The following DCAF8 variants were observed in gnomAD, a reference collection of about 807,000 sequenced individuals.
DCAF8 encodes the protein DDB1 and CUL4 associated factor 8.
In DCAF8, 20 loss-of-function variants were observed where a neutral mutation model predicts 68.0. The observed-to-expected ratio is 0.29, with a 90% CI of 0.21 to 0.43. The LOEUF is 0.43. DCAF8 is among the 20% of genes least tolerant of loss of function. DCAF8 has a pLI of 1.00. For missense variants in DCAF8, 460 were observed against 771.0 expected (o/e 0.60, Z 4.78); for synonymous variants, 230 against 276.9 (o/e 0.83, Z 1.68).
At chr1:160,224,600 G>C (rs555995113) in intron 9 of DCAF8, 51 bp from the exon 10 acceptor site, 30 of 1,468,394 alleles carry the variant, frequency 2.0e-5, no homozygotes, top group Non-Finnish European at 2.8e-5. Context: ...AAAAAGCAGG[G>C]ACCAGGAGGT....
At chr1:160,235,514 T>A (rs948632445) in intron 6 of DCAF8, among the ~76,000 whole-genome samples, 1 of 151,996 alleles carries the variant, frequency 6.6e-6, no homozygotes, top group African/African-American at 2.4e-5. Context: ...GGTACACCAA[T>A]GCTATGACAT....
At chr1:160,253,511 G>A (rs1436278018) in intron 2 of DCAF8, among the ~76,000 whole-genome samples, 7 of 151,720 alleles carry the variant, frequency 4.6e-5, no homozygotes, top group South Asian at 2.1e-4. Flanking sequence ...AGCCACACGC[G>A]GTGGCATACG....
Position 160,231,932 on chromosome 1 carries a change from T to G in DCAF8, c.960-525A>C, listed in dbSNP as rs561683967. Reference sequence around the variant, plus strand: ...ATGGCCAGGTATGGTGGCTCATGCCTGTAATCCCTACACTTTGGGAGACTG... The same window carrying G: ...ATGGCCAGGTATGGTGGCTCATGCCGGTAATCCCTACACTTTGGGAGACTG... On this transcript the variant is annotated intron_variant, in intron 6 of 13. Coordinates refer to ENST00000368074, the MANE Select transcript of DCAF8 (RefSeq NM_015726.4). 8.5e-5 allele frequency among the ~76,000 whole-genome samples: 13 copies of G among 152,342 alleles called. No individual in the cohort carries two copies. The South Asian group carries it at 1.4e-3, about 17-fold the overall frequency.
intron 11 of DCAF8, 120 bp downstream of exon 11, chr1:160,222,531 T>TG: frequency 7.3e-7 from 1 of 1,375,790 alleles, no homozygotes; most frequent in Admixed American, 2.1e-5. Context: ...CTTTTATGGC[T>TG]GGCTGGACCT....
At chr1:160,262,238 G>C in intron 1 of DCAF8, 1 of 398,170 alleles carries the variant, frequency 2.5e-6, no homozygotes, top group Non-Finnish European at 4.4e-6. Flanking sequence ...GCTGGGAAGC[G>C]AGGGGGGGCG....
chr1:160,256,775 C>CCCTATTGGCAACCT, intron 2 of DCAF8, among the ~76,000 whole-genome samples: 1 of 152,274 alleles, frequency 6.6e-6, no homozygotes, highest in Middle Eastern at 3.4e-3. Context: ...CTCCCCAATG[C>CCCTATTGGCAACCT]CCTATTGGCA....
chr1:160,236,279 C>T (rs1446470491), intron 6 of DCAF8, among the ~76,000 whole-genome samples: 1 of 151,362 alleles, frequency 6.6e-6, no homozygotes, highest in East Asian at 1.9e-4. Context: ...CACACACATA[C>T]ATACACGTAC....
At chr1:160,225,223 G>A in intron 8 of DCAF8, 104 bp from the exon 9 acceptor site, 1 of 1,096,866 alleles carries the variant, frequency 9.1e-7, no homozygotes, top group African/African-American at 1.6e-5. Flanking sequence ...TTCTCCCAGA[G>A]ATTTGAGAAA....
At chr1:160,245,436 A>G (rs981409992) in intron 2 of DCAF8, among the ~76,000 whole-genome samples, 5 of 152,180 alleles carry the variant, frequency 3.3e-5, no homozygotes, top group Admixed American at 2.6e-4. Flanking sequence ...ATTATTCCAG[A>G]AGCAGCCTCA....
At chr1:160,219,008 TGG>T in intron 11 of DCAF8, 40 bp from the exon 12 acceptor site, 4 of 1,611,706 alleles carry the variant, frequency 2.5e-6, no homozygotes, top group Non-Finnish European at 3.4e-6. Flanking sequence ...CAGCAGTGTG[TGG>T]GAGTAGGGTT....
chr1:160,256,743 G>A (rs61510065), intron 2 of DCAF8, among the ~76,000 whole-genome samples: 2,404 of 152,278 alleles, frequency 0.016, 59 homozygotes, highest in African/African-American at 0.048. Flanking sequence ...TTAATAAGAT[G>A]ACATCTTTGT....
In DCAF8 at chr1:160,226,639, C is replaced by T. The variant is rs74318373; in HGVS notation, c.1071-976G>A. Among the ~76,000 whole-genome samples the T allele has an allele frequency of 3.4e-3, 523 of 152,324 alleles. 3 individuals are homozygous for T. Among genetic ancestry groups the T allele is most frequent in the African/African-American group, 0.012 (500 of 41,568 alleles). On this transcript the variant is annotated intron_variant, in intron 7 of 13. Transcript: ENST00000368074. ...TTCTCAACCTCTTCCTCATCACCAG[C>T]TGGCCACTTTCTAAAAATCCTTCTG...
rs745776382 is a variant in DCAF8, at chr1:160,240,105, CTCCTCT to C, written c.309_314del (p.Glu111_Glu112del). ...GCTGCTCTTCTTCCTCCTCTTCTTCCTCCTCTTCCTCTTCCTCTGAGCGGTCATGGA... is the reference window on the plus strand; with the variant it reads ...GCTGCTCTTCTTCCTCCTCTTCTTCCTCCTCTTCCTCTGAGCGGTCATGGA... On this transcript the variant is annotated inframe_deletion, in exon 4 of 14. Transcript: ENST00000368074. 1,314 of 1,595,888 alleles carry C rather than the reference CTCCTCT, an allele frequency of 8.2e-4. 10 individuals carry two copies. Among genetic ancestry groups the C allele is most frequent in the Middle Eastern group, 2.0e-3 (12 of 6,044 alleles).
intron 6 of DCAF8, among the ~76,000 whole-genome samples, chr1:160,235,338 T>C (rs1655831469): frequency 6.6e-6 from 1 of 151,936 alleles, no homozygotes; most frequent in South Asian, 2.1e-4. Flanking sequence ...TTCACCATGT[T>C]AGCCAGGCTG....
intron 2 of DCAF8, among the ~76,000 whole-genome samples, chr1:160,244,835 G>C (rs939094902): frequency 6.6e-6 from 1 of 151,868 alleles, no homozygotes; most frequent in South Asian, 2.1e-4. Context: ...GGATGGTCTC[G>C]ATCTCCCGAG....
intron 2 of DCAF8, among the ~76,000 whole-genome samples, chr1:160,255,395 AAGTGCTGGGATTATAGGTAT>A (rs1656796592): frequency 6.6e-6 from 1 of 152,046 alleles, no homozygotes; most frequent in African/African-American, 2.4e-5. Flanking sequence ...TGGCCTCCCA[AAGTGCTGGGATTATAGGTAT>A]GTACCACCAC....
At chr1:160,249,579 G>A (rs1042605897) in intron 2 of DCAF8, among the ~76,000 whole-genome samples, 5 of 152,018 alleles carry the variant, frequency 3.3e-5, no homozygotes, top group African/African-American at 9.7e-5. Flanking sequence ...GACTGCTTGA[G>A]CCCAGGAATT....
At chr1:160,229,173 G>A (rs577137714) in intron 7 of DCAF8, among the ~76,000 whole-genome samples, 1 of 152,158 alleles carries the variant, frequency 6.6e-6, no homozygotes, top group African/African-American at 2.4e-5. Context: ...GCACATGCCT[G>A]TAATCCCAGC....
intron 2 of DCAF8, among the ~76,000 whole-genome samples, chr1:160,254,799 A>G (rs561398479): frequency 6.6e-6 from 1 of 152,240 alleles, no homozygotes; most frequent in South Asian, 2.1e-4. Flanking sequence ...AAAAAAAAAG[A>G]AAAAAGAAAA....
Sources: allele counts gnomAD v4.1 joint callset (sites outside exome capture counted in the v4.1 genomes callset), GRCh38; gene constraint gnomAD v4.1.1; transcripts MANE v1.5; gene names NCBI Gene and HGNC (gene_info 2026-07-23, HGNC 2026-07-21).